Variants in PDE4D observed in about 807,000 individuals in gnomAD.
The protein encoded by PDE4D is phosphodiesterase 4D, also known as 3',5'-cyclic-AMP phosphodiesterase 4D.
A neutral mutation model predicts 87.4 loss-of-function variants in PDE4D; 24 were observed. The observed-to-expected ratio is 0.27, with a 90% CI of 0.20 to 0.39. The LOEUF (loss-of-function observed/expected upper bound fraction) is 0.39, where lower values mean the gene tolerates loss of function less well. Among genes scored for constraint, PDE4D ranks in the 10% least tolerant of loss-of-function variants. The pLI, the probability that PDE4D is intolerant of heterozygous loss-of-function variation, is 1.00. For missense variants in PDE4D, 714 were observed against 1,041.0 expected (o/e 0.69, Z 4.32); for synonymous variants, 384 against 383.2 (o/e 1.00, Z -0.02).
At chr5:59,974,097 C>T (rs1351386071) in intron 3 of PDE4D, among the ~76,000 whole-genome samples, 1 of 152,122 alleles carries the variant, frequency 6.6e-6, no homozygotes, top group African/African-American at 2.4e-5. Flanking sequence ...AACAGTAACC[C>T]CGTTTACAGA....
intron 1 of PDE4D, among the ~76,000 whole-genome samples, chr5:59,522,953 T>A (rs1331363926): frequency 6.6e-6 from 1 of 152,238 alleles, no homozygotes; most frequent in Non-Finnish European, 1.5e-5. Context: ...ATTGTTAATA[T>A]GAATATTTAT....
intron 1 of PDE4D, among the ~76,000 whole-genome samples, chr5:60,403,968 A>C (rs1040530902): frequency 6.6e-6 from 1 of 152,230 alleles, no homozygotes; most frequent in Non-Finnish European, 1.5e-5. Flanking sequence ...GCAATATTGC[A>C]ACAAATGCCA....
intron 1 of PDE4D, among the ~76,000 whole-genome samples, chr5:59,540,826 T>G (rs780924243): frequency 3.9e-5 from 6 of 152,204 alleles, no homozygotes; most frequent in Non-Finnish European, 8.8e-5. Context: ...GAAATCTCCT[T>G]TGCTCCAAAG....
At chr5:59,019,869 CGCTA>C (rs1046722796) in intron 6 of PDE4D, among the ~76,000 whole-genome samples, 1 of 132,472 alleles carries the variant, frequency 7.5e-6, no homozygotes, top group Non-Finnish European at 1.6e-5. Flanking sequence ...CTATATGTTT[CGCTA>C]TCTATCTATC....
At chr5:60,449,649 TAAATA>T (rs1745937967) in intron 1 of PDE4D, among the ~76,000 whole-genome samples, 1 of 145,798 alleles carries the variant, frequency 6.9e-6, no homozygotes, top group Admixed American at 6.8e-5. Flanking sequence ...ATAATAATAA[TAAATA>T]AAATAAAAAA....
At chr5:59,103,890 C>A (rs2153434908) in intron 5 of PDE4D, among the ~76,000 whole-genome samples, 1 of 152,306 alleles carries the variant, frequency 6.6e-6, no homozygotes, top group Non-Finnish European at 1.5e-5. Flanking sequence ...ATAAAGAGAA[C>A]CAGCCTGGGC....
chr5:60,107,269 A>G (rs1201353930), intron 2 of PDE4D, among the ~76,000 whole-genome samples: 1 of 152,196 alleles, frequency 6.6e-6, no homozygotes, highest in East Asian at 1.9e-4. Context: ...AGAAATGGAT[A>G]AATTCCTGGA....
At chr5:60,456,745 G>T (rs1044968639) in intron 1 of PDE4D, among the ~76,000 whole-genome samples, 10 of 152,078 alleles carry the variant, frequency 6.6e-5, no homozygotes, top group African/African-American at 2.2e-4. Context: ...CTGACCCAAG[G>T]CCAGAAGCCA....
intron 2 of PDE4D, among the ~76,000 whole-genome samples, chr5:60,143,603 TTGTGTGTGTGTGTG>T (rs34236719): frequency 3.1e-4 from 37 of 117,754 alleles, no homozygotes; most frequent in African/African-American, 1.1e-3. Flanking sequence ...AGCTTGGGAA[TTGTGTGTGTGTGTG>T]TGTGTGTGTG....
chr5:60,119,966 T>A (rs1050349290), intron 2 of PDE4D, among the ~76,000 whole-genome samples: 2 of 152,152 alleles, frequency 1.3e-5, no homozygotes, highest in African/African-American at 4.8e-5. Context: ...GTAAAGAATA[T>A]GAGAAACTTC....
chr5:59,792,402 C>CTGTGTGTGTGTGTGTGTGTGTGTGTGTG (rs3062592), intron 1 of PDE4D, among the ~76,000 whole-genome samples: 8 of 138,776 alleles, frequency 5.8e-5, no homozygotes, highest in African/African-American at 2.3e-4. Context: ...CTCCAAGAAG[C>CTGTGTGTGTGTGTGTGTGTGTGTGTGTG]TGTGTGTGTG....
At chr5:60,315,973 C>G (rs898214020) in intron 1 of PDE4D, among the ~76,000 whole-genome samples, 1 of 152,118 alleles carries the variant, frequency 6.6e-6, no homozygotes, top group African/African-American at 2.4e-5. Flanking sequence ...AATGTGGGCT[C>G]TTTTTTGGTT....
In PDE4D at chr5:59,982,158, T is replaced by C. The variant is rs188427812; in HGVS notation, c.272+6330A>G. Among the ~76,000 whole-genome samples the C allele has an allele frequency of 1.2e-3, 182 of 152,338 alleles. 4 individuals carry two copies. In the South Asian group the frequency reaches 0.035, roughly 30 times the overall value. On this transcript the variant is annotated intron_variant, in intron 3 of 16. Transcript: ENST00000502484. The stretch of plus-strand genomic sequence containing the variant: ...TGTCTTCTTTTACATTCTTTTCATT[T>C]TCTTTTTTTATAGGACATAGTGATA...
At chr5:59,932,983 C>T (rs1001598919) in intron 3 of PDE4D, among the ~76,000 whole-genome samples, 16 of 152,266 alleles carry the variant, frequency 1.1e-4, no homozygotes, top group East Asian at 9.7e-4. Flanking sequence ...TCTGGGGCAG[C>T]AACAGGCTTC....
chr5:59,721,226 T>C (rs1755779088), intron 1 of PDE4D, among the ~76,000 whole-genome samples: 1 of 152,164 alleles, frequency 6.6e-6, no homozygotes, highest in Non-Finnish European at 1.5e-5. Flanking sequence ...AAACTTGGAG[T>C]TTGAATTATA....
intron 1 of PDE4D, among the ~76,000 whole-genome samples, chr5:60,424,921 C>T (rs1043004285): frequency 2.7e-4 from 41 of 152,302 alleles, no homozygotes; most frequent in African/African-American, 9.9e-4. Context: ...CATGAGTGAA[C>T]TCTCATTCAC....
intron 3 of PDE4D, among the ~76,000 whole-genome samples, chr5:59,189,244 GTTTTTTTTGTTT>G (rs1743693870): frequency 3.3e-5 from 3 of 91,390 alleles, no homozygotes; most frequent in African/African-American, 9.3e-5. Flanking sequence ...TTTTTTTTTT[GTTTTTTTTGTTT>G]TTTTTTTTTT....
In PDE4D at chr5:59,947,018, A is replaced by C. The variant is rs904090933; in HGVS notation, c.272+41470T>G. On this transcript the variant is annotated intron_variant, in intron 3 of 16. Transcript: ENST00000502484. ...CTGAGTTTGGCTCTAGTTTTCAAAC[A>C]GAAAAGTTTTGATTCTCAAACAAAA... Among the ~76,000 whole-genome samples the C allele has an allele frequency of 4.6e-5, 7 of 152,230 alleles. No homozygotes were observed. In the East Asian group the frequency reaches 1.3e-3, roughly 29 times the overall value.
At chr5:60,175,434 T>C (rs1385875248) in intron 2 of PDE4D, among the ~76,000 whole-genome samples, 2 of 152,166 alleles carry the variant, frequency 1.3e-5, no homozygotes, top group Non-Finnish European at 2.9e-5. Context: ...TTTATGTGTA[T>C]TATCTCTTCG....
Sources: gnomAD v4.1 joint callset for allele counts (sites outside exome capture counted in the v4.1 genomes callset) on GRCh38, gnomAD v4.1.1 for gene constraint, MANE v1.5 for transcripts, NCBI Gene and HGNC (gene_info 2026-07-23, HGNC 2026-07-21) for gene names.